Variants in BBS9 observed in about 807,000 individuals in gnomAD.
BBS9 encodes the protein protein PTHB1.
In BBS9, 89 loss-of-function variants were observed where a neutral mutation model predicts 117.7. The observed-to-expected ratio is 0.76, with a 90% confidence interval of 0.64 to 0.90. The LOEUF is 0.90. BBS9 is among the 40% of genes least tolerant of loss of function. BBS9 has a pLI of 0.00. For missense variants in BBS9, 982 were observed against 1,042.2 expected (o/e 0.94, Z 0.80); for synonymous variants, 379 against 370.9 (o/e 1.02, Z -0.25).
At chr7:33,255,549 A>G (rs960743216) in intron 5 of BBS9, among the ~76,000 whole-genome samples, 6 of 152,194 alleles carry the variant, frequency 3.9e-5, no homozygotes, top group African/African-American at 1.4e-4. Context: ...AAAAACGACA[A>G]TTCTTAGAAC....
chr7:33,256,017 C>T (rs1204549036), intron 5 of BBS9, among the ~76,000 whole-genome samples: 5 of 151,972 alleles, frequency 3.3e-5, no homozygotes, highest in East Asian at 1.9e-4. Flanking sequence ...ATTAGCTGGG[C>T]GTGGTGGTGC....
At chr7:33,294,334 TA>T (rs1319096023) in intron 9 of BBS9, among the ~76,000 whole-genome samples, 1 of 144,834 alleles carries the variant, frequency 6.9e-6, no homozygotes, top group Non-Finnish European at 1.5e-5. Flanking sequence ...TCTATCTATC[TA>T]TCTATCTATC....
At chr7:33,501,280 A>T (rs1272343548) in intron 19 of BBS9, among the ~76,000 whole-genome samples, 2 of 152,342 alleles carry the variant, frequency 1.3e-5, no homozygotes, top group Non-Finnish European at 1.5e-5. Flanking sequence ...CTTGTGGGGA[A>T]CACAGTAAAC....
chr7:33,569,662 T>C (rs1857466934), intron 21 of BBS9, among the ~76,000 whole-genome samples: 1 of 151,532 alleles, frequency 6.6e-6, no homozygotes, highest in Non-Finnish European at 1.5e-5. Flanking sequence ...CTCAGGAGGC[T>C]GAGGCAGGAG....
intron 21 of BBS9, among the ~76,000 whole-genome samples, chr7:33,543,749 C>G (rs564535627): frequency 5.9e-5 from 9 of 152,298 alleles, no homozygotes; most frequent in African/African-American, 2.2e-4. Flanking sequence ...AGGTCTCTTG[C>G]AAGGACAGGG....
intron 19 of BBS9, among the ~76,000 whole-genome samples, chr7:33,455,682 G>T (rs1378605090): frequency 6.6e-6 from 1 of 152,136 alleles, no homozygotes; most frequent in Non-Finnish European, 1.5e-5. Context: ...ACACCCCCAT[G>T]TGGTGTGGTA....
intron 5 of BBS9, among the ~76,000 whole-genome samples, chr7:33,187,917 G>A (rs969405643): frequency 1.1e-4 from 17 of 151,892 alleles, no homozygotes; most frequent in East Asian, 3.9e-4. Flanking sequence ...GCGAGACTCC[G>A]TCTCGAAAAA....
chr7:33,434,737 C>T (rs1352820681), intron 19 of BBS9, among the ~76,000 whole-genome samples: 1 of 152,070 alleles, frequency 6.6e-6, no homozygotes, highest in Non-Finnish European at 1.5e-5. Flanking sequence ...AGTACAAAGT[C>T]TAGGTAATCT....
chr7:33,138,445 C>T (rs1275034583), intron 1 of BBS9, among the ~76,000 whole-genome samples: 1 of 151,082 alleles, frequency 6.6e-6, no homozygotes, highest in Admixed American at 6.6e-5. Context: ...GCATGTGATT[C>T]ACCTGGAGAT....
chr7:33,161,583 GT>G (rs1216394898), intron 4 of BBS9, among the ~76,000 whole-genome samples: 1 of 152,158 alleles, frequency 6.6e-6, no homozygotes, highest in Non-Finnish European at 1.5e-5. Flanking sequence ...AAAAACATAC[GT>G]ATACATGTGT....
intron 21 of BBS9, among the ~76,000 whole-genome samples, chr7:33,585,224 T>C (rs1212725599): frequency 6.6e-6 from 1 of 152,108 alleles, no homozygotes; most frequent in Non-Finnish European, 1.5e-5. Context: ...AAGTTACTTC[T>C]GTGCTAATTC....
At chr7:33,582,537 C>A (rs1348123508) in intron 21 of BBS9, among the ~76,000 whole-genome samples, 1 of 152,040 alleles carries the variant, frequency 6.6e-6, no homozygotes, top group Admixed American at 6.6e-5. Context: ...CACACACACA[C>A]ACACACACAC....
chr7:33,183,332 T>C lies in BBS9; in HGVS notation c.442+5741T>C, dbSNP rs369123148. ...ACAAAATGGAGAAAATTCAGTTGAC[T>C]GAGAAGAAAAAACCCCTTTTCCAGA... On this transcript the variant is annotated intron_variant, in intron 5 of 22. Coordinates refer to ENST00000242067, the MANE Select transcript of BBS9 (RefSeq NM_198428.3). Among the ~76,000 whole-genome samples the C allele has an allele frequency of 1.3e-4, 19 of 151,654 alleles. No individual in the cohort carries two copies. In the South Asian group the frequency reaches 3.5e-3, roughly 28 times the overall value.
intron 5 of BBS9, among the ~76,000 whole-genome samples, chr7:33,254,900 T>C (rs899489275): frequency 2.6e-5 from 4 of 152,208 alleles, no homozygotes; most frequent in African/African-American, 9.6e-5. Context: ...TACATTTCCC[T>C]GATAATTAGC....
intron 1 of BBS9, among the ~76,000 whole-genome samples, chr7:33,133,210 T>A (rs1789901762): frequency 6.6e-6 from 1 of 152,114 alleles, no homozygotes; most frequent in Admixed American, 6.5e-5. Flanking sequence ...CATGTATCCA[T>A]CATCATTTGT....
chr7:33,394,496 C>A (rs988762386), intron 19 of BBS9, among the ~76,000 whole-genome samples: 1 of 152,146 alleles, frequency 6.6e-6, no homozygotes, highest in African/African-American at 2.4e-5. Flanking sequence ...CAATAAACCC[C>A]CATGACACAA....
chr7:33,423,002 A>G (rs771289055), intron 19 of BBS9, among the ~76,000 whole-genome samples: 1 of 152,128 alleles, frequency 6.6e-6, no homozygotes, highest in Non-Finnish European at 1.5e-5. Flanking sequence ...TGGGGTGACT[A>G]GGTCAATGAC....
intron 21 of BBS9, among the ~76,000 whole-genome samples, chr7:33,584,211 G>A (rs1001936351): frequency 1.3e-5 from 2 of 151,902 alleles, no homozygotes; most frequent in African/African-American, 4.8e-5. Flanking sequence ...CTATGTGATA[G>A]GTGGAAAATA....
At chr7:33,270,079 G>C (rs1443950189) in intron 7 of BBS9, among the ~76,000 whole-genome samples, 3 of 149,000 alleles carry the variant, frequency 2.0e-5, no homozygotes, top group African/African-American at 7.4e-5. Context: ...AAGTGAGAAA[G>C]AGCCTACTTA....
Sources: gnomAD v4.1 joint callset for allele counts (sites outside exome capture counted in the v4.1 genomes callset) on GRCh38, gnomAD v4.1.1 for gene constraint, MANE v1.5 for transcripts, NCBI Gene and HGNC (gene_info 2026-07-23, HGNC 2026-07-21) for gene names.